ATP1A2: variants seen among roughly 807,000 people sequenced by gnomAD.
ATP1A2 encodes ATPase Na+/K+ transporting subunit alpha 2, also known as sodium/potassium-transporting ATPase subunit alpha-2.
Under a neutral mutation model 113.1 loss-of-function variants are expected in ATP1A2, and 56 were observed. The ratio of observed to expected loss-of-function variants is 0.49; its 90% CI spans 0.40 to 0.62. ATP1A2 has a LOEUF of 0.62. Ranked by LOEUF, ATP1A2 falls within the 20% of genes least tolerant of loss-of-function variation. The pLI is 0.00. For missense variants in ATP1A2, 712 were observed against 1,357.8 expected (o/e 0.52, Z 7.47); for synonymous variants, 490 against 526.8 (o/e 0.93, Z 0.96).
intron 13 of ATP1A2, among the ~76,000 whole-genome samples, chr1:160,132,225 G>T (rs1172728027): frequency 6.6e-6 from 1 of 152,150 alleles, no homozygotes; most frequent in Non-Finnish European, 1.5e-5. Context: ...GTAGGGGTTG[G>T]CAGGGGAGAG....
intron 7 of ATP1A2, 116 bp from the exon 8 acceptor site, chr1:160,127,436 G>A (rs999512642): frequency 2.0e-6 from 3 of 1,473,252 alleles, no homozygotes; most frequent in Non-Finnish European, 2.8e-6. Context: ...GTGGCCTCCA[G>A]ATCTGCGGCT....
At chr1:160,139,816 C>T (rs1211111490) in intron 21 of ATP1A2, 75 bp downstream of exon 21, 9 of 1,609,632 alleles carry the variant, frequency 5.6e-6, no homozygotes, top group African/African-American at 4.0e-5. Flanking sequence ...AAGTTCTGAT[C>T]GCTTTGAATG....
chr1:160,124,124 T>C (rs1168560752), intron 5 of ATP1A2, 68 bp downstream of exon 5: 13 of 1,589,140 alleles, frequency 8.2e-6, no homozygotes, highest in Non-Finnish European at 1.0e-5. Flanking sequence ...TCATCTTTTG[T>C]CAGCTCCCAG....
rs775070516 is a variant in ATP1A2, at chr1:160,134,480, C to T, written c.1828-4C>T. ...TTCCTGTTGTCTCCTCTCCTTCCCA[C>T]TAGGTGATCATGGTAACCGGGGATC... On this transcript the variant is annotated splice_region_variant and splice_polypyrimidine_tract_variant and intron_variant, in intron 13 of 22. Transcript: ENST00000361216. The T allele has an allele frequency of 3.1e-6, 5 of 1,614,222 alleles. No homozygotes were observed. The South Asian group carries it at 4.4e-5, about 14-fold the overall frequency.
In ATP1A2 at chr1:160,135,817, T is replaced by A; in HGVS notation, c.2285-22T>A. Reference sequence around the variant, plus strand: ...GGAAGAGTCCCTCTGACCTCCCTGATGCCCTCAGAATCTCCCCACAGGCCG... The same window carrying A: ...GGAAGAGTCCCTCTGACCTCCCTGAAGCCCTCAGAATCTCCCCACAGGCCG... On this transcript the variant is annotated intron_variant, in intron 16 of 22. Transcript: ENST00000361216. This position sits in a 1 kb window ranked among gnomAD's most constrained non-coding sequence, Gnocchi z 6.3. The A allele has an allele frequency of 6.2e-7, 1 of 1,614,130 alleles. No homozygotes were observed. The highest frequency in any genetic ancestry group is 1.1e-5 in the South Asian group (1 of 91,080).
intron 1 of ATP1A2, among the ~76,000 whole-genome samples, chr1:160,120,253 C>T (rs887847016): frequency 5.9e-5 from 9 of 152,100 alleles, no homozygotes; most frequent in Non-Finnish European, 1.0e-4. Flanking sequence ...GCTCCCAGCA[C>T]ACCCCATGTC....
intron 19 of ATP1A2, 85 bp downstream of exon 19, chr1:160,136,800 C>T: frequency 6.2e-7 from 1 of 1,613,834 alleles, no homozygotes; most frequent in Non-Finnish European, 8.5e-7. Flanking sequence ...TGGTGGCCAA[C>T]TGGGACTGGG....
rs17846717 is a variant in ATP1A2, at chr1:160,139,846, C to G, written c.2943-47C>G. On this transcript the variant is annotated intron_variant, in intron 21 of 22. Coordinates refer to ENST00000361216, the MANE Select transcript of ATP1A2 (RefSeq NM_000702.4). ...TGAATGCTCCTTTATGTGACAGCCA[C>G]CAAGCCAACCTCTGATGCTGCTGAC... 214,783 of 1,611,944 alleles carry G rather than the reference C, an allele frequency of 0.13. 14,961 individuals carry two copies. The highest frequency in any genetic ancestry group is 0.14 in the Admixed American group (8,447 of 60,018).
intron 3 of ATP1A2, 103 bp downstream of exon 3, chr1:160,121,354 T>G (rs1651392326): frequency 1.5e-6 from 2 of 1,326,070 alleles, no homozygotes; most frequent in African/African-American, 2.9e-5. Flanking sequence ...TCTTTACAGA[T>G]GAGGAAACTG....
rs1411810386 is a variant in ATP1A2 at position 160,129,322 on chromosome 1, C to T, written c.1383C>T (p.Ser461=). 1.9e-6 allele frequency: 3 copies of T among 1,614,200 alleles called. No homozygotes were observed. Among genetic ancestry groups the T allele is most frequent in the South Asian group, 1.1e-5 (1 of 91,086 alleles). ...ESALLKCIEL[S]CGSVRKMRDR... ...CTCTGCTCAAGTGCATTGAGCTCTC[C>T]TGTGGCTCAGTGAGGAAAATGAGAG... The change falls in exon 11 of 23, where the codon TCC becomes TCT. Residue 461 remains serine, a synonymous_variant. Transcript: ENST00000361216.
Position 160,135,414 on chromosome 1 carries a change from T to C in ATP1A2, c.2116-20T>C. On this transcript the variant is annotated intron_variant, in intron 15 of 22. Coordinates refer to ENST00000361216, the MANE Select transcript of ATP1A2 (RefSeq NM_000702.4). The surrounding 1 kb of genome is among the most constrained non-coding windows in gnomAD (Gnocchi z 6.3). ...CTTGGGAAGGGGTTTCGTCCTCAAGTGTGGCCGTCTTCCCTCCAGGGAGCC... is the reference window on the plus strand; with the variant it reads ...CTTGGGAAGGGGTTTCGTCCTCAAGCGTGGCCGTCTTCCCTCCAGGGAGCC... 6.2e-7 allele frequency: 1 copy of C among 1,614,078 alleles called. No individual in the cohort carries two copies.
At chr1:160,122,023 T>C (rs1409661920) in intron 3 of ATP1A2, among the ~76,000 whole-genome samples, 1 of 151,980 alleles carries the variant, frequency 6.6e-6, no homozygotes, top group Non-Finnish European at 1.5e-5. Flanking sequence ...TCCCACCTAC[T>C]CGAGAGGCTG....
chr1:160,122,420 G>GAAAAAAAAAA (rs112709297), intron 3 of ATP1A2, among the ~76,000 whole-genome samples: 1 of 137,122 alleles, frequency 7.3e-6, no homozygotes, highest in Non-Finnish European at 1.5e-5. Flanking sequence ...ATGAATGAAT[G>GAAAAAAAAAA]AAAAAAAAAA....
chr1:160,130,953 T>G (rs533809921), intron 13 of ATP1A2, among the ~76,000 whole-genome samples: 192 of 152,252 alleles, frequency 1.3e-3, no homozygotes, highest in African/African-American at 4.6e-3. Flanking sequence ...TCTGTCAACT[T>G]AGGATGGGAT....
chr1:160,128,885 AGAGGAGGCT>A (rs1431239043), intron 9 of ATP1A2, 35 bp downstream of exon 9: 1 of 1,613,310 alleles, frequency 6.2e-7, no homozygotes, highest in African/African-American at 1.3e-5. Flanking sequence ...GGATAGGATT[AGAGGAGGCT>A]GAGGGCAGTG....
chr1:160,120,859 C>T lies in ATP1A2; in HGVS notation c.13-47C>T, dbSNP rs56200412. On this transcript the variant is annotated intron_variant, in intron 1 of 22. Transcript: ENST00000361216. ...TGGCTGAGTGGTGGGAATGGAGGCCCCAGCCCCTCTCTTCCCTGACTCTCT... is the reference window on the plus strand; with the variant it reads ...TGGCTGAGTGGTGGGAATGGAGGCCTCAGCCCCTCTCTTCCCTGACTCTCT... 10,661 of 1,541,464 alleles carry T rather than the reference C, an allele frequency of 6.9e-3. 44 individuals carry two copies. Among genetic ancestry groups the T allele is most frequent in the Non-Finnish European group, 8.2e-3 (9,327 of 1,140,302 alleles).
chr1:160,136,400 A>T, intron 18 of ATP1A2, 30 bp downstream of exon 18: 1 of 1,613,498 alleles, frequency 6.2e-7, no homozygotes, highest in Non-Finnish European at 8.5e-7. Flanking sequence ...TCGGGAGGGA[A>T]CCCCAACAGG....
Position 160,123,399 on chromosome 1 carries a change from G to A in ATP1A2, c.364G>A (p.Glu122Lys). Residue 122 changes from glutamate (E) to lysine (K), a missense_variant, in exon 4 of 23, where the codon GAA (glutamate) becomes AAA (lysine). This residue lies in a region of ATP1A2 where 109 missense variants were observed against 162.3 expected (regional missense o/e 0.67). Coordinates refer to ENST00000361216, the MANE Select transcript of ATP1A2 (RefSeq NM_000702.4). ...AYGIQAAMED[E>K]PSNDNLYLGV... The stretch of plus-strand genomic sequence containing the variant: ...CGGCATCCAGGCTGCCATGGAGGAT[G>A]AACCATCCAACGACAATGTGAGCCC... 6.2e-7 allele frequency: 1 copy of A among 1,614,168 alleles called. No homozygotes were observed. The highest frequency in any genetic ancestry group is 8.5e-7 in the Non-Finnish European group (1 of 1,180,036).
At chr1:160,125,112 G>A in intron 6 of ATP1A2, 24 bp from the exon 7 acceptor site, 1 of 1,602,596 alleles carries the variant, frequency 6.2e-7, no homozygotes, top group Non-Finnish European at 8.5e-7. Flanking sequence ...CCAGTCTGAT[G>A]ACTATGCACT....
Sources: gnomAD v4.1 joint callset for allele counts (sites outside exome capture counted in the v4.1 genomes callset) on GRCh38, gnomAD v4.1.1 for gene constraint, gnomAD v4.1.1 regional missense constraint, Gnocchi (gnomAD v3.1) non-coding constraint, MANE v1.5 for transcripts, NCBI Gene and HGNC (gene_info 2026-07-23, HGNC 2026-07-21) for gene names.